The following SLC9A7 variants were observed in gnomAD, a reference collection of about 807,000 sequenced individuals.
SLC9A7 encodes solute carrier family 9 member A7, also known as sodium/hydrogen exchanger 7.
SLC9A7 carries 19 observed loss-of-function variants against 52.6 expected under a neutral mutation model. The observed-to-expected ratio is 0.36, with a 90% CI of 0.25 to 0.53. The LOEUF (loss-of-function observed/expected upper bound fraction) is 0.53, where lower values mean the gene tolerates loss of function less well. SLC9A7 is among the 20% of genes least tolerant of loss of function. SLC9A7 has a pLI of 0.91. For synonymous variants in SLC9A7, 226 were observed against 252.1 expected, an observed-to-expected ratio of 0.90 and a Z score of 0.98; for missense variants, 455 against 597.9, an observed-to-expected ratio of 0.76 and a Z score of 2.49.
At chrX:46,693,571 T>TA in intron 1 of SLC9A7, among the ~76,000 whole-genome samples, 1 of 108,960 alleles carries the variant, frequency 9.2e-6, no homozygotes, top group East Asian at 2.8e-4. Flanking sequence ...CTACTATATA[T>TA]AAAAATTAAT....
intron 1 of SLC9A7, among the ~76,000 whole-genome samples, chrX:46,700,706 T>C (rs1353553250): frequency 2.7e-5 from 3 of 112,203 alleles, no homozygotes; most frequent in African/African-American, 6.5e-5. Flanking sequence ...TAGTCTATAG[T>C]ATTTTGTTAT....
chrX:46,724,694 C>A (rs1217254890), intron 1 of SLC9A7, among the ~76,000 whole-genome samples: 1 of 111,156 alleles, frequency 9.0e-6, no homozygotes, highest in Non-Finnish European at 1.9e-5. Context: ...CACAACAAAA[C>A]CCATCAAAAA....
chrX:46,665,784 G>A (rs1057235690), intron 5 of SLC9A7, among the ~76,000 whole-genome samples: 5 of 110,387 alleles, frequency 4.5e-5, no homozygotes, highest in Middle Eastern at 4.6e-3. Flanking sequence ...GGTCTCTGTC[G>A]CCTAGGCTGG....
chrX:46,599,530 A>C lies in SLC9A7; in HGVS notation c.*7422T>G, dbSNP rs1357399258. On this transcript the variant is annotated 3_prime_UTR_variant, in exon 17 of 17. Transcript: ENST00000616978. ...TTTTTAAAAAAAGAAAAGCTTTGAG[A>C]AAATGTGTTAAATATCAGTAAAGGG... 8.9e-6 allele frequency: 1 copy of C among 112,211 alleles called. No homozygotes were observed. The highest frequency in any genetic ancestry group is 1.9e-5 in the Non-Finnish European group (1 of 53,279). The allele number at this position is 112,211 out of a possible 1,213,427, so 9.2% of individuals were successfully genotyped here. A position where few individuals can be genotyped will look rare whatever the true frequency, so the allele number is the denominator to read the frequency against.
At chrX:46,749,967 G>GC (rs1922116339) in intron 1 of SLC9A7, among the ~76,000 whole-genome samples, 1 of 110,321 alleles carries the variant, frequency 9.1e-6, no homozygotes, top group South Asian at 3.9e-4. Flanking sequence ...TGTAATCCCA[G>GC]CTAGTCGGGA....
At chrX:46,711,859 A>G (rs1944691912) in intron 1 of SLC9A7, among the ~76,000 whole-genome samples, 1 of 103,223 alleles carries the variant, frequency 9.7e-6, no homozygotes. Context: ...CGAGAAAACA[A>G]CCAGGGAAGG....
chrX:46,606,836 A>G lies in SLC9A7; in HGVS notation c.*116T>C, dbSNP rs1210845181. 1 of 1,157,082 alleles carries G rather than the reference A, an allele frequency of 8.6e-7. No homozygotes were observed. Among genetic ancestry groups the G allele is most frequent in the Non-Finnish European group, 1.2e-6 (1 of 868,175 alleles). ...TGTTACAATAGCTTCAGACCCCAAT[A>G]AAATAGAAGAGTTAGTTCAATCTAG... On this transcript the variant is annotated 3_prime_UTR_variant, in exon 17 of 17. Coordinates refer to ENST00000616978, the MANE Select transcript of SLC9A7 (RefSeq NM_001257291.2).
chrX:46,642,670 G>A (rs1943425672), intron 12 of SLC9A7, among the ~76,000 whole-genome samples: 1 of 111,982 alleles, frequency 8.9e-6, no homozygotes, highest in African/African-American at 3.2e-5. Context: ...ACTCGTATCA[G>A]TGCTCCTTCT....
intron 1 of SLC9A7, among the ~76,000 whole-genome samples, chrX:46,720,578 A>G (rs747600281): frequency 1.9e-5 from 2 of 102,735 alleles, no homozygotes; most frequent in Middle Eastern, 4.3e-3. Flanking sequence ...CATCCATGGG[A>G]AAAAAAAAAA....
chrX:46,737,508 GA>G (rs1358617477), intron 1 of SLC9A7, among the ~76,000 whole-genome samples: 1 of 111,721 alleles, frequency 9.0e-6, no homozygotes, highest in African/African-American at 3.3e-5. Flanking sequence ...CTAGGTTCAG[GA>G]AAAGTTATTA....
chrX:46,660,939 T>C (rs1278265491), intron 7 of SLC9A7, among the ~76,000 whole-genome samples: 4 of 107,966 alleles, frequency 3.7e-5, no homozygotes, highest in African/African-American at 1.4e-4. Context: ...TATTGCGGCA[T>C]TATTCACAAT....
chrX:46,748,344 CA>C lies in SLC9A7; in HGVS notation c.325+10360del, dbSNP rs1178403270. Among the ~76,000 whole-genome samples, 344 of 35,977 alleles carry C rather than the reference CA, an allele frequency of 9.6e-3. 5 individuals are homozygous for C. The highest frequency in any genetic ancestry group is 0.034 in the African/African-American group (274 of 8,072). The allele number at this position is 35,977 out of a possible 115,157, so 31.2% of individuals were successfully genotyped here. ...CTGGGCAACAAGAGTGAAACTCTGTCAAAAAAAAAAAAAAGAAAGAAAGGAA... is the reference window on the plus strand; with the variant it reads ...CTGGGCAACAAGAGTGAAACTCTGTCAAAAAAAAAAAAAGAAAGAAAGGAA... On this transcript the variant is annotated intron_variant, in intron 1 of 16. Coordinates refer to ENST00000616978, the MANE Select transcript of SLC9A7 (RefSeq NM_001257291.2).
intron 14 of SLC9A7, among the ~76,000 whole-genome samples, chrX:46,624,806 T>C (rs1943098687): frequency 8.9e-6 from 1 of 112,524 alleles, no homozygotes; most frequent in Non-Finnish European, 1.9e-5. Flanking sequence ...CCATTATTAA[T>C]AGAGAAGCCC....
chrX:46,613,673 T>C (rs1416642322), intron 15 of SLC9A7, among the ~76,000 whole-genome samples: 1 of 111,848 alleles, frequency 8.9e-6, no homozygotes, highest in Non-Finnish European at 1.9e-5. Flanking sequence ...CCTTCTCCCT[T>C]TGTCATGTTG....
intron 14 of SLC9A7, among the ~76,000 whole-genome samples, chrX:46,627,785 G>A (rs1439094667): frequency 2.8e-5 from 3 of 106,810 alleles, no homozygotes; most frequent in Non-Finnish European, 5.8e-5. Context: ...GGTTGGGGGG[G>A]GGGCGGTGGT....
intron 3 of SLC9A7, among the ~76,000 whole-genome samples, chrX:46,676,644 T>C (rs916570890): frequency 2.7e-5 from 3 of 111,880 alleles, no homozygotes; most frequent in Non-Finnish European, 5.6e-5. Context: ...ATGTAAAATA[T>C]CAAATTACTC....
rs1386555870 is a variant in SLC9A7, at chrX:46,759,108, C to T, written c.-79G>A. 2.8e-5 allele frequency: 19 copies of T among 669,717 alleles called. No homozygotes were observed. Among genetic ancestry groups the T allele is most frequent in the Non-Finnish European group, 2.8e-5 (15 of 529,019 alleles). The allele number at this position is 669,717 out of a possible 1,213,427, so 55.2% of individuals were successfully genotyped here. On this transcript the variant is annotated 5_prime_UTR_variant, in exon 1 of 17. Transcript: ENST00000616978. ...CGGCGGGTTCTGGCAGCACCGCGGACCTGCCGGAGTGGCCGTGGCCGCTGC... is the reference window on the plus strand; with the variant it reads ...CGGCGGGTTCTGGCAGCACCGCGGATCTGCCGGAGTGGCCGTGGCCGCTGC...
intron 2 of SLC9A7, among the ~76,000 whole-genome samples, chrX:46,681,907 G>A: frequency 1.8e-5 from 2 of 112,079 alleles, no homozygotes; most frequent in Admixed American, 1.9e-4. Flanking sequence ...TATAGCAAAA[G>A]AACCACGAAG....
At position 46,649,047 on chromosome X, in the gene SLC9A7, A is replaced by C. The variant is rs1218761889; in HGVS notation, c.1351-250T>G. On this transcript the variant is annotated intron_variant, in intron 10 of 16. Transcript: ENST00000616978. Reference sequence around the variant, plus strand: ...TCTAGCTTGTTAAACACAATATTGTAACTTCTTGATTTAATTCAACTGATA... The same window carrying C: ...TCTAGCTTGTTAAACACAATATTGTCACTTCTTGATTTAATTCAACTGATA... 9.7e-5 allele frequency among the ~76,000 whole-genome samples: 9 copies of C among 93,152 alleles called. No individual in the cohort carries two copies. The East Asian group carries it at 2.8e-3, about 29-fold the overall frequency. The allele number at this position is 93,152 out of a possible 115,157, so 80.9% of individuals were successfully genotyped here. A position where few individuals can be genotyped will look rare whatever the true frequency, so the allele number is the denominator to read the frequency against.
Sources: gnomAD v4.1 joint callset for allele counts (sites outside exome capture counted in the v4.1 genomes callset) on GRCh38, gnomAD v4.1.1 for gene constraint, MANE v1.5 for transcripts, NCBI Gene and HGNC (gene_info 2026-07-23, HGNC 2026-07-21) for gene names.